TLK2: variants seen among roughly 807,000 people sequenced by gnomAD.
TLK2 encodes tousled like kinase 2.
A neutral mutation model predicts 117.3 loss-of-function variants in TLK2; 6 were observed. The ratio of observed to expected loss-of-function variants is 0.05; its 90% CI spans 0.03 to 0.10. The LOEUF (loss-of-function observed/expected upper bound fraction) is 0.10. Among genes scored for constraint, TLK2 ranks in the 10% least tolerant of loss-of-function variants. The pLI is 1.00. For missense variants in TLK2, 299 were observed against 901.2 expected, an observed-to-expected ratio of 0.33 and a Z score of 8.56; for synonymous variants, 257 against 316.7, an observed-to-expected ratio of 0.81 and a Z score of 2.00.
chr17:62,512,740 C>G (rs2075249361), intron 2 of TLK2, among the ~76,000 whole-genome samples: 1 of 151,848 alleles, frequency 6.6e-6, no homozygotes, highest in African/African-American at 2.4e-5. Flanking sequence ...GGTGTCAAGT[C>G]TAGGAACTGT....
intron 2 of TLK2, among the ~76,000 whole-genome samples, chr17:62,516,069 C>T (rs372156942): frequency 3.2e-4 from 49 of 152,044 alleles, no homozygotes; most frequent in African/African-American, 9.6e-4. Flanking sequence ...GAATTACAGG[C>T]GCCCGCCACC....
chr17:62,611,338 G>A (rs1178388529), intron 21 of TLK2, among the ~76,000 whole-genome samples: 1 of 152,072 alleles, frequency 6.6e-6, no homozygotes, highest in Admixed American at 6.6e-5. Flanking sequence ...AACCAGATTG[G>A]CATTGTATTA....
At chr17:62,612,309 T>C in intron 21 of TLK2, 83 bp from the exon 22 acceptor site, 1 of 1,466,088 alleles carries the variant, frequency 6.8e-7, no homozygotes, top group Non-Finnish European at 9.2e-7. Context: ...CTCTGGGCCC[T>C]GGCAGCCGAT....
chr17:62,518,549 C>CA (rs969112929), intron 2 of TLK2, among the ~76,000 whole-genome samples: 7 of 151,806 alleles, frequency 4.6e-5, no homozygotes, highest in Non-Finnish European at 8.8e-5. Context: ...ACTAAAAATA[C>CA]AAAAAAATTA....
intron 15 of TLK2, among the ~76,000 whole-genome samples, chr17:62,580,518 ATCTT>A (rs1325325351): frequency 2.0e-5 from 3 of 152,318 alleles, no homozygotes; most frequent in African/African-American, 4.8e-5. Flanking sequence ...AGTATGTGCT[ATCTT>A]TCTTTCTTTT....
chr17:62,543,467 A>G (rs923528205), intron 7 of TLK2, among the ~76,000 whole-genome samples: 2 of 152,208 alleles, frequency 1.3e-5, no homozygotes, highest in Admixed American at 6.5e-5. Context: ...GCAGCAGTAC[A>G]TTCCAATTTC....
chr17:62,553,947 G>T (rs2146232694), intron 9 of TLK2, among the ~76,000 whole-genome samples, 192 bp downstream of exon 9: 1 of 152,218 alleles, frequency 6.6e-6, no homozygotes. Context: ...CTTTAAATTG[G>T]AAATCTTATA....
At chr17:62,495,249 C>T (rs1039579691) in intron 2 of TLK2, among the ~76,000 whole-genome samples, 1 of 151,916 alleles carries the variant, frequency 6.6e-6, no homozygotes, top group Non-Finnish European at 1.5e-5. Flanking sequence ...CACACCATTG[C>T]AGTCTAGCCC....
chr17:62,474,117 C>T (rs1453217346), upstream of TLK2, among the ~76,000 whole-genome samples: 1 of 152,028 alleles, frequency 6.6e-6, no homozygotes, highest in Non-Finnish European at 1.5e-5. Flanking sequence ...CTCGCTCTGT[C>T]GCCCAGGCTG....
chr17:62,490,489 C>G (rs1369759874), intron 2 of TLK2, among the ~76,000 whole-genome samples: 1 of 152,042 alleles, frequency 6.6e-6, no homozygotes, highest in Non-Finnish European at 1.5e-5. Flanking sequence ...TGACTTTCTT[C>G]TCTCTCTATA....
chr17:62,515,282 C>T (rs138286763), intron 2 of TLK2, among the ~76,000 whole-genome samples: 187 of 152,294 alleles, frequency 1.2e-3, no homozygotes, highest in African/African-American at 4.0e-3. Context: ...ATAATACTGC[C>T]GTGAACATGG....
In TLK2 at chr17:62,578,470, G is replaced by T; in HGVS notation, c.1189-7G>T. The T allele has an allele frequency of 6.2e-7, 1 of 1,612,706 alleles. No homozygotes were observed. On this transcript the variant is annotated splice_region_variant and splice_polypyrimidine_tract_variant and intron_variant, in intron 13 of 21. Transcript: ENST00000346027. Reference sequence around the variant, plus strand: ...ATTTTGTGCTATTTCTTTCCTTTTCGCTTTAGGAGGAAGCAGAGATCCAGG... The same window carrying T: ...ATTTTGTGCTATTTCTTTCCTTTTCTCTTTAGGAGGAAGCAGAGATCCAGG...
At chr17:62,502,431 A>ATAT (rs2074281979) in intron 2 of TLK2, among the ~76,000 whole-genome samples, 1 of 152,236 alleles carries the variant, frequency 6.6e-6, no homozygotes, top group Non-Finnish European at 1.5e-5. Context: ...ATATATAAGT[A>ATAT]ACATCATACT....
chr17:62,549,418 A>AAAAAAAAAAAAGT (rs2078230258), intron 7 of TLK2, among the ~76,000 whole-genome samples: 2 of 8,536 alleles, frequency 2.3e-4, no homozygotes, highest in African/African-American at 3.3e-4. Flanking sequence ...AAAAAAAAAA[A>AAAAAAAAAAAAGT]AAAAAAAAAA....
At chr17:62,475,121 G>A (rs1311848631), upstream of TLK2, among the ~76,000 whole-genome samples, 1 of 152,190 alleles carries the variant, frequency 6.6e-6, no homozygotes, top group Non-Finnish European at 1.5e-5. Context: ...ATTGGAAGAA[G>A]AGAGGAAATA....
intron 19 of TLK2, among the ~76,000 whole-genome samples, chr17:62,605,318 C>T (rs901280315): frequency 1.3e-5 from 2 of 152,150 alleles, no homozygotes; most frequent in African/African-American, 4.8e-5. Flanking sequence ...ATTTACCACT[C>T]TTAGGAAATT....
intron 8 of TLK2, among the ~76,000 whole-genome samples, 176 bp downstream of exon 8, chr17:62,552,573 C>G (rs2078552273): frequency 6.6e-6 from 1 of 151,586 alleles, no homozygotes; most frequent in African/African-American, 2.4e-5. Flanking sequence ...TTGGAAGGTG[C>G]TTTAACTTTT....
intron 16 of TLK2, among the ~76,000 whole-genome samples, chr17:62,589,829 CAG>C (rs1263160422): frequency 6.6e-6 from 1 of 151,884 alleles, no homozygotes; most frequent in African/African-American, 2.4e-5. Context: ...TTTTTTGAGA[CAG>C]AGTCTCACTC....
chr17:62,508,929 C>G (rs2074933616), intron 2 of TLK2, among the ~76,000 whole-genome samples: 2 of 152,142 alleles, frequency 1.3e-5, no homozygotes, highest in Admixed American at 1.3e-4. Flanking sequence ...GATTGCACCA[C>G]TGCACTCCTG....
Sources: allele counts gnomAD v4.1 joint callset (sites outside exome capture counted in the v4.1 genomes callset), GRCh38; gene constraint gnomAD v4.1.1; transcripts MANE v1.5; gene names NCBI Gene and HGNC (gene_info 2026-07-23, HGNC 2026-07-21).